GABRA5: variants seen among roughly 807,000 people sequenced by gnomAD.
The protein encoded by GABRA5 is gamma-aminobutyric acid receptor subunit alpha-5.
GABRA5 carries 18 observed loss-of-function variants against 47.3 expected under a neutral mutation model. The ratio of observed to expected loss-of-function variants is 0.38; its 90% CI spans 0.26 to 0.56. GABRA5 has a LOEUF of 0.56. Ranked by LOEUF, GABRA5 falls within the 20% of genes least tolerant of loss-of-function variation. The probability of loss-of-function intolerance (pLI) is 0.71; values close to 1 mark genes in which losing one functional copy is unlikely to be tolerated. For synonymous variants in GABRA5, 237 were observed against 229.3 expected (o/e 1.03, Z -0.30); for missense variants, 365 against 599.3 (o/e 0.61, Z 4.08).
At position 26,883,673 on chromosome 15, in the gene GABRA5, G is replaced by A; in HGVS notation, c.497+116G>A. The A allele has an allele frequency of 1.2e-6, 1 of 807,570 alleles. No individual in the cohort carries two copies. Among genetic ancestry groups the A allele is most frequent in the Non-Finnish European group, 1.9e-6 (1 of 537,512 alleles). 50.0% of individuals were successfully genotyped at this position (807,570 alleles called of 1,614,324 possible). On this transcript the variant is annotated intron_variant, in intron 6 of 10. Coordinates refer to ENST00000335625, the MANE Select transcript of GABRA5 (RefSeq NM_000810.4). This position sits in a 1 kb window ranked among gnomAD's most constrained non-coding sequence, Gnocchi z 4.8. ...GTTCTGACCATAGGTCTGAGACTGC[G>A]GCGCGTGTGTGCTGGGGGTTCCCCG...
intron 9 of GABRA5, among the ~76,000 whole-genome samples, chr15:26,940,509 C>T (rs75451910): frequency 0.084 from 12,717 of 152,032 alleles, 1,510 homozygotes; most frequent in African/African-American, 0.26. Flanking sequence ...ATGAGCTCCA[C>T]GGAGCATTTT....
chr15:26,917,607 G>GT (rs1363208282), intron 7 of GABRA5, among the ~76,000 whole-genome samples: 3 of 151,610 alleles, frequency 2.0e-5, no homozygotes, highest in African/African-American at 4.8e-5. Flanking sequence ...TTCCTCTTTA[G>GT]TTTTTTTTGA....
intron 3 of GABRA5, among the ~76,000 whole-genome samples, chr15:26,880,088 T>C (rs1018192723): frequency 1.3e-5 from 2 of 152,220 alleles, no homozygotes; most frequent in Non-Finnish European, 2.9e-5. Flanking sequence ...TTTGTCTAGA[T>C]CTGCTAGGGC....
In GABRA5 at chr15:26,883,231, A is replaced by T; in HGVS notation, c.274A>T (p.Met92Leu). ...TSFGPVSDTE[M>L]EYTIDVFFRQ... ...CTTCGGCCCGGTGTCCGACACGGAA[A>T]TGGTAGGTCCCGGGGCATGGCTGGG... The change falls in exon 5 of 11, where the codon ATG becomes TTG. Residue 92 changes from methionine to leucine, a missense_variant and splice_region_variant. Met to Leu is a conservative substitution (Grantham distance 15, BLOSUM62 2). Transcript: ENST00000335625. The surrounding 1 kb of genome is among the most constrained non-coding windows in gnomAD (Gnocchi z 4.8). The T allele has an allele frequency of 6.2e-7, 1 of 1,613,850 alleles. No individual in the cohort carries two copies. The highest frequency in any genetic ancestry group is 8.5e-7 in the Non-Finnish European group (1 of 1,179,778).
chr15:26,918,156 T>C (rs1893760757), intron 7 of GABRA5, among the ~76,000 whole-genome samples: 1 of 152,168 alleles, frequency 6.6e-6, no homozygotes, highest in African/African-American at 2.4e-5. Flanking sequence ...ATTTTCCTCT[T>C]GGTGCTGCTT....
intron 7 of GABRA5, among the ~76,000 whole-genome samples, chr15:26,931,271 G>A (rs1253659603): frequency 1.3e-5 from 2 of 152,114 alleles, no homozygotes; most frequent in Non-Finnish European, 2.9e-5. Context: ...TACATAACAG[G>A]AATGTATTTC....
chr15:26,931,194 C>T (rs1261382263), intron 7 of GABRA5, among the ~76,000 whole-genome samples: 11 of 152,130 alleles, frequency 7.2e-5, no homozygotes, highest in Admixed American at 1.3e-4. Flanking sequence ...CCACTGCGCC[C>T]GGCCGCCAAT....
chr15:26,883,213 C>A lies in GABRA5; in HGVS notation c.256C>A (p.Pro86Thr), dbSNP rs758418566. The A allele has an allele frequency of 1.2e-6, 2 of 1,613,912 alleles. No individual in the cohort carries two copies. Among genetic ancestry groups the A allele is most frequent in the Non-Finnish European group, 1.7e-6 (2 of 1,179,836 alleles). Residue 86 changes from proline (P) to threonine (T), a missense_variant, in exon 5 of 11, where the codon CCG (proline) becomes ACG (threonine). Pro to Thr is a conservative substitution (Grantham distance 38, BLOSUM62 -1). Around this residue, in one of 3 missense-constraint regions of GABRA5, gnomAD observed 216 missense variants for 335.3 expected, o/e 0.64. Coordinates refer to ENST00000335625, the MANE Select transcript of GABRA5 (RefSeq NM_000810.4). This position sits in a 1 kb window ranked among gnomAD's most constrained non-coding sequence, Gnocchi z 4.8. The stretch of plus-strand genomic sequence containing the variant: ...CGACATCTACGTCACCAGCTTCGGC[C>A]CGGTGTCCGACACGGAAATGGTAGG... Reference protein sequence around the residue: ...RTDIYVTSFGPVSDTEMEYTI... With the variant: ...RTDIYVTSFGTVSDTEMEYTI...
chr15:26,890,508 A>C lies in GABRA5; in HGVS notation c.497+6951A>C, dbSNP rs376903075. ...TTAACTTGAATTGAGCCTTGTTCCC[A>C]AGGTTGGAGACATGGAGCCTGCCTG... On this transcript the variant is annotated intron_variant, in intron 6 of 10. Transcript: ENST00000335625. Among the ~76,000 whole-genome samples, 7 of 142,220 alleles carry C rather than the reference A, an allele frequency of 4.9e-5. No homozygotes were observed. The South Asian group carries it at 1.5e-3, about 31-fold the overall frequency. The allele number at this position is 142,220 out of a possible 152,430, so 93.3% of individuals were successfully genotyped here.
intron 6 of GABRA5, among the ~76,000 whole-genome samples, chr15:26,909,938 G>T (rs536948717): frequency 6.6e-6 from 1 of 152,192 alleles, no homozygotes; most frequent in East Asian, 1.9e-4. Context: ...GGAAGGCTTC[G>T]ATTTGAAGAA....
chr15:26,892,944 GTA>G (rs1893046384), intron 6 of GABRA5, among the ~76,000 whole-genome samples: 1 of 151,814 alleles, frequency 6.6e-6, no homozygotes, highest in South Asian at 2.1e-4. Flanking sequence ...ATGCGTGTGT[GTA>G]GTGTGTGTAT....
At chr15:26,889,431 A>G (rs1458624760) in intron 6 of GABRA5, among the ~76,000 whole-genome samples, 1 of 151,448 alleles carries the variant, frequency 6.6e-6, no homozygotes, top group Non-Finnish European at 1.5e-5. Flanking sequence ...CAGTATAGCT[A>G]GCTGCAGTCT....
Position 26,901,887 on chromosome 15 carries a change from A to C in GABRA5, c.498-12916A>C, listed in dbSNP as rs151079739. 2.0e-3 allele frequency among the ~76,000 whole-genome samples: 301 copies of C among 152,278 alleles called. 2 individuals are homozygous for C. Among genetic ancestry groups the C allele is most frequent in the African/African-American group, 7.0e-3 (293 of 41,568 alleles). ...ATACATGTGCATGCCCATTTGGTCC[A>C]GCACTTGTTGAAAAGACTGTCTCGT... On this transcript the variant is annotated intron_variant, in intron 6 of 10. Coordinates refer to ENST00000335625, the MANE Select transcript of GABRA5 (RefSeq NM_000810.4).
intron 1 of GABRA5, among the ~76,000 whole-genome samples, chr15:26,868,358 CA>C (rs1892376939): frequency 6.6e-6 from 1 of 151,780 alleles, no homozygotes; most frequent in African/African-American, 2.4e-5. Flanking sequence ...TTGTGTCTCC[CA>C]ATTCCGGAGT....
At chr15:26,885,076 C>T (rs1892842108) in intron 6 of GABRA5, among the ~76,000 whole-genome samples, 1 of 152,046 alleles carries the variant, frequency 6.6e-6, no homozygotes, top group African/African-American at 2.4e-5. Flanking sequence ...GCGGGAGGAT[C>T]ACGAGATCAG....
chr15:26,876,528 C>T (rs2140247770), intron 3 of GABRA5, among the ~76,000 whole-genome samples: 1 of 152,266 alleles, frequency 6.6e-6, no homozygotes, highest in South Asian at 2.1e-4. Flanking sequence ...CACAGGTCAA[C>T]TAAGCTGAGG....
At chr15:26,927,451 G>C (rs1893988808) in intron 7 of GABRA5, among the ~76,000 whole-genome samples, 1 of 151,994 alleles carries the variant, frequency 6.6e-6, no homozygotes. Context: ...TTGCTTCAGA[G>C]GTTGATCATT....
At chr15:26,922,283 T>C (rs1235022096) in intron 7 of GABRA5, among the ~76,000 whole-genome samples, 1 of 152,216 alleles carries the variant, frequency 6.6e-6, no homozygotes, top group Admixed American at 6.5e-5. Flanking sequence ...ATTTGGTGCA[T>C]ACACATATAT....
intron 3 of GABRA5, chr15:26,877,533 C>T (rs775333263): frequency 4.0e-5 from 13 of 328,496 alleles, no homozygotes; most frequent in East Asian, 1.0e-4. Context: ...AGTCAAAATA[C>T]GTCTGCAGTT....
Sources: allele counts gnomAD v4.1 joint callset (sites outside exome capture counted in the v4.1 genomes callset), GRCh38; gene constraint gnomAD v4.1.1; regional missense constraint gnomAD v4.1.1; non-coding constraint Gnocchi (gnomAD v3.1); transcripts MANE v1.5; gene names NCBI Gene and HGNC (gene_info 2026-07-23, HGNC 2026-07-21).